Variants in ANKS1B observed in about 807,000 individuals in gnomAD.
ANKS1B encodes ankyrin repeat and sterile alpha motif domain-containing protein 1B.
ANKS1B carries 36 observed loss-of-function variants against 148.3 expected under a neutral mutation model. The ratio of observed to expected loss-of-function variants is 0.24; its 90% CI spans 0.19 to 0.32. The LOEUF is 0.32. Among genes scored for constraint, ANKS1B ranks in the 10% least tolerant of loss-of-function variants. ANKS1B has a pLI of 1.00. For missense variants in ANKS1B, 1,157 were observed against 1,542.6 expected (o/e 0.75, Z 4.19); for synonymous variants, 542 against 560.8 (o/e 0.97, Z 0.47).
intron 15 of ANKS1B, among the ~76,000 whole-genome samples, chr12:99,091,238 T>C (rs1357092333): frequency 4.6e-5 from 7 of 152,142 alleles, no homozygotes; most frequent in African/African-American, 1.7e-4. Flanking sequence ...ACAGCTACCA[T>C]GATTACAATG....
At chr12:99,033,499 C>T (rs2099953590) in intron 17 of ANKS1B, among the ~76,000 whole-genome samples, 1 of 152,050 alleles carries the variant, frequency 6.6e-6, no homozygotes, top group South Asian at 2.1e-4. Flanking sequence ...ATAGAAGTAA[C>T]TTGTATCACA....
At chr12:99,257,647 C>T (rs766453718) in intron 12 of ANKS1B, among the ~76,000 whole-genome samples, 15 of 151,986 alleles carry the variant, frequency 9.9e-5, no homozygotes, top group South Asian at 8.3e-4. Flanking sequence ...AGTCATTGAG[C>T]GCTAAATATG....
In ANKS1B at chr12:98,976,019, T is replaced by C. The variant is rs577233970; in HGVS notation, c.2778+77138A>G. Reference sequence around the variant, plus strand: ...CTTCTTCATAGTAATAGATGAAGGATAAAAAAATTTAAAAAGCATATAGAT... The same window carrying C: ...CTTCTTCATAGTAATAGATGAAGGACAAAAAAATTTAAAAAGCATATAGAT... On this transcript the variant is annotated intron_variant, in intron 17 of 26. Coordinates refer to ENST00000683438, the MANE Select transcript of ANKS1B (RefSeq NM_001352186.2). Among the ~76,000 whole-genome samples the C allele has an allele frequency of 5.9e-5, 9 of 152,284 alleles. No individual in the cohort carries two copies. The South Asian group carries it at 1.9e-3, about 32-fold the overall frequency.
chr12:99,130,847 C>T (rs182287378), intron 15 of ANKS1B, among the ~76,000 whole-genome samples: 10 of 152,260 alleles, frequency 6.6e-5, no homozygotes, highest in Admixed American at 2.0e-4. Context: ...TGTCTTCATG[C>T]CCCTTGGTAC....
chr12:99,162,935 G>A (rs974916792), intron 14 of ANKS1B, among the ~76,000 whole-genome samples: 10 of 152,138 alleles, frequency 6.6e-5, no homozygotes, highest in Middle Eastern at 6.8e-3. Context: ...GCAGGCACCT[G>A]TAGTCCCAGC....
Position 99,101,019 on chromosome 12 carries a change from G to A in ANKS1B, c.2527-15996C>T, listed in dbSNP as rs78220442. On this transcript the variant is annotated intron_variant, in intron 15 of 26. Transcript: ENST00000683438. ...TGAAGCAAGAGAGAGAAGGCACTGC[G>A]TGGATCGGTTGCAGCATGAACAAGG... Among the ~76,000 whole-genome samples, 671 of 152,310 alleles carry A rather than the reference G, an allele frequency of 4.4e-3. 24 individuals are homozygous for A. The East Asian group carries it at 0.085, about 19-fold the overall frequency.
At chr12:99,345,327 A>T (rs890661083) in intron 12 of ANKS1B, among the ~76,000 whole-genome samples, 1 of 152,042 alleles carries the variant, frequency 6.6e-6, no homozygotes, top group African/African-American at 2.4e-5. Context: ...GAGAAAATGT[A>T]GGGTCATTCT....
chr12:98,910,091 C>A (rs1006943030), intron 17 of ANKS1B, among the ~76,000 whole-genome samples: 5 of 152,148 alleles, frequency 3.3e-5, no homozygotes, highest in Non-Finnish European at 7.3e-5. Flanking sequence ...CCTATCTGGG[C>A]TTTTTGAGCA....
At chr12:99,213,778 A>G (rs1246732630) in intron 14 of ANKS1B, among the ~76,000 whole-genome samples, 1 of 152,204 alleles carries the variant, frequency 6.6e-6, no homozygotes, top group Non-Finnish European at 1.5e-5. Context: ...TAGAACCATT[A>G]TTTGCCAAAT....
intron 12 of ANKS1B, among the ~76,000 whole-genome samples, chr12:99,328,503 T>C (rs1046842197): frequency 6.6e-6 from 1 of 151,800 alleles, no homozygotes; most frequent in Non-Finnish European, 1.5e-5. Context: ...TTAGGTGGAG[T>C]ACACAGAAGG....
intron 8 of ANKS1B, among the ~76,000 whole-genome samples, chr12:99,746,507 T>C (rs1012899870): frequency 1.2e-4 from 18 of 152,198 alleles, no homozygotes; most frequent in African/African-American, 4.3e-4. Flanking sequence ...TTATGTTACA[T>C]TACCCTGAAT....
intron 11 of ANKS1B, among the ~76,000 whole-genome samples, chr12:99,407,854 A>C (rs1284908305): frequency 6.8e-6 from 1 of 146,200 alleles, no homozygotes; most frequent in Non-Finnish European, 1.5e-5. Flanking sequence ...TGAAAATCAT[A>C]TAAGAAAATG....
intron 10 of ANKS1B, among the ~76,000 whole-genome samples, chr12:99,446,873 A>G (rs2095645807): frequency 6.6e-6 from 1 of 152,080 alleles, no homozygotes; most frequent in Middle Eastern, 3.2e-3. Flanking sequence ...GCTGGAAGAT[A>G]TGTTAAGACT....
chr12:99,559,208 T>C (rs2097307676), intron 9 of ANKS1B, among the ~76,000 whole-genome samples: 1 of 152,152 alleles, frequency 6.6e-6, no homozygotes, highest in South Asian at 2.1e-4. Context: ...ATGTTCCTCC[T>C]AGTTGCATCT....
intron 1 of ANKS1B, among the ~76,000 whole-genome samples, chr12:99,931,155 C>CA (rs2094603637): frequency 6.6e-6 from 1 of 151,520 alleles, no homozygotes; most frequent in Non-Finnish European, 1.5e-5. Flanking sequence ...AACACACGGA[C>CA]ACAGGAAGGG....
At chr12:99,378,381 C>T (rs980019365) in intron 12 of ANKS1B, among the ~76,000 whole-genome samples, 1 of 151,944 alleles carries the variant, frequency 6.6e-6, no homozygotes, top group African/African-American at 2.4e-5. Flanking sequence ...GAAGGCCGGG[C>T]ATGGTGGCTC....
chr12:99,023,716 T>C (rs1189863999), intron 17 of ANKS1B, among the ~76,000 whole-genome samples: 1 of 151,766 alleles, frequency 6.6e-6, no homozygotes, highest in East Asian at 1.9e-4. Context: ...GGAATTCTTA[T>C]GAGACATAGA....
chr12:99,048,282 T>C (rs2099963743), intron 17 of ANKS1B, among the ~76,000 whole-genome samples: 1 of 152,232 alleles, frequency 6.6e-6, no homozygotes, highest in African/African-American at 2.4e-5. Flanking sequence ...GAACACAATT[T>C]TCCTTTCTGC....
intron 19 of ANKS1B, among the ~76,000 whole-genome samples, chr12:98,821,570 A>T (rs1296646523): frequency 6.6e-6 from 1 of 152,134 alleles, no homozygotes. Context: ...AGGACACTTG[A>T]TCCAATCCAG....
Sources: gnomAD v4.1 joint callset for allele counts (sites outside exome capture counted in the v4.1 genomes callset) on GRCh38, gnomAD v4.1.1 for gene constraint, MANE v1.5 for transcripts, NCBI Gene and HGNC (gene_info 2026-07-23, HGNC 2026-07-21) for gene names.